Variants in PRKD1 observed in about 807,000 individuals in gnomAD.
The protein encoded by PRKD1 is protein kinase D1, also known as serine/threonine-protein kinase D1.
A neutral mutation model predicts 95.9 loss-of-function variants in PRKD1; 63 were observed. The ratio of observed to expected loss-of-function variants is 0.66; its 90% CI spans 0.54 to 0.81. The LOEUF is 0.81. PRKD1 is among the 30% of genes least tolerant of loss of function. PRKD1 has a pLI of 0.00. For missense variants in PRKD1, 1,048 were observed against 1,165.3 expected (o/e 0.90, Z 1.47); for synonymous variants, 425 against 423.1 (o/e 1.00, Z -0.05).
intron 4 of PRKD1, among the ~76,000 whole-genome samples, chr14:29,656,935 A>G (rs965670830): frequency 1.3e-5 from 2 of 152,250 alleles, no homozygotes; most frequent in African/African-American, 4.8e-5. Flanking sequence ...AAAGGTCATC[A>G]AAGTAATCAA....
chr14:29,695,754 T>C (rs1374806521), intron 2 of PRKD1, among the ~76,000 whole-genome samples: 1 of 152,176 alleles, frequency 6.6e-6, no homozygotes, highest in Non-Finnish European at 1.5e-5. Flanking sequence ...GAAAGAGTTT[T>C]GAGTTCATCT....
chr14:29,869,386 G>A (rs1402568383), intron 1 of PRKD1, among the ~76,000 whole-genome samples: 4 of 151,492 alleles, frequency 2.6e-5, no homozygotes, highest in African/African-American at 9.7e-5. Context: ...GTTGCAGCAA[G>A]CAGAGATCGC....
intron 12 of PRKD1, among the ~76,000 whole-genome samples, chr14:29,625,626 C>T (rs142382774): frequency 5.3e-5 from 8 of 152,200 alleles, no homozygotes; most frequent in East Asian, 3.9e-4. Context: ...CATTAACAAA[C>T]GGTACAATGG....
At chr14:29,910,951 T>A (rs573604694) in intron 1 of PRKD1, among the ~76,000 whole-genome samples, 39 of 152,310 alleles carry the variant, frequency 2.6e-4, no homozygotes, top group South Asian at 6.2e-4. Flanking sequence ...ATCACACAAT[T>A]ATTTCACAGG....
intron 2 of PRKD1, among the ~76,000 whole-genome samples, chr14:29,701,930 A>G (rs1286356606): frequency 6.6e-6 from 1 of 152,186 alleles, no homozygotes; most frequent in Admixed American, 6.5e-5. Context: ...CAAAATTGGG[A>G]TACCGAAGAT....
intron 1 of PRKD1, among the ~76,000 whole-genome samples, chr14:29,807,193 G>T (rs1223120500): frequency 6.6e-6 from 1 of 152,162 alleles, no homozygotes; most frequent in Non-Finnish European, 1.5e-5. Flanking sequence ...AGGCAAGAAA[G>T]CAGAGCTCAG....
chr14:29,918,272 G>A (rs1360812993), intron 1 of PRKD1, among the ~76,000 whole-genome samples: 1 of 152,070 alleles, frequency 6.6e-6, no homozygotes, highest in Non-Finnish European at 1.5e-5. Context: ...GAGGGAGAAA[G>A]AATCTTGTAG....
At chr14:29,798,557 T>C (rs1889906107) in intron 1 of PRKD1, among the ~76,000 whole-genome samples, 1 of 152,220 alleles carries the variant, frequency 6.6e-6, no homozygotes, top group Non-Finnish European at 1.5e-5. Flanking sequence ...AGTGTCACTG[T>C]ATGAATATGA....
chr14:29,591,869 A>C (rs1364776648), intron 16 of PRKD1, among the ~76,000 whole-genome samples: 1 of 152,076 alleles, frequency 6.6e-6, no homozygotes, highest in Non-Finnish European at 1.5e-5. Context: ...TGGAAACATG[A>C]GGGATATCTT....
chr14:29,811,421 A>G lies in PRKD1; in HGVS notation c.265-85747T>C, dbSNP rs1890478896. ...CATCTCCCTTCCCACACACAACTCT[A>G]CTGCTCGAGCCCACAGGCAGAAGGA... On this transcript the variant is annotated intron_variant, in intron 1 of 17. Coordinates refer to ENST00000331968, the MANE Select transcript of PRKD1 (RefSeq NM_002742.3). Among the ~76,000 whole-genome samples the G allele has an allele frequency of 3.9e-5, 6 of 152,098 alleles. No homozygotes were observed. In the South Asian group the frequency reaches 1.2e-3, roughly 32 times the overall value.
intron 1 of PRKD1, among the ~76,000 whole-genome samples, chr14:29,786,626 C>T (rs1188158387): frequency 2.6e-5 from 4 of 152,110 alleles, no homozygotes; most frequent in East Asian, 3.9e-4. Flanking sequence ...TTTATTAGCA[C>T]GTAGTGGTTC....
intron 1 of PRKD1, among the ~76,000 whole-genome samples, chr14:29,802,027 T>C (rs1377501330): frequency 2.6e-5 from 4 of 151,980 alleles, no homozygotes; most frequent in Non-Finnish European, 4.4e-5. Context: ...CAGACATTAA[T>C]ACATTCCTGG....
intron 1 of PRKD1, among the ~76,000 whole-genome samples, chr14:29,800,504 G>A (rs1447605362): frequency 1.3e-5 from 2 of 152,106 alleles, no homozygotes; most frequent in Non-Finnish European, 2.9e-5. Context: ...GCCTAATAAT[G>A]AAATTTTCGA....
At chr14:29,667,177 G>C (rs1324831181) in intron 2 of PRKD1, among the ~76,000 whole-genome samples, 1 of 152,058 alleles carries the variant, frequency 6.6e-6, no homozygotes, top group African/African-American at 2.4e-5. Context: ...TACAGCACCT[G>C]GCAGGCAGAA....
At chr14:29,880,553 C>T (rs1893469800) in intron 1 of PRKD1, among the ~76,000 whole-genome samples, 1 of 152,204 alleles carries the variant, frequency 6.6e-6, no homozygotes, top group Admixed American at 6.5e-5. Flanking sequence ...GAAGCCCCCA[C>T]ACAGAGTCCC....
chr14:29,599,151 C>A, intron 14 of PRKD1, 26 bp from the exon 15 acceptor site: 4 of 1,580,630 alleles, frequency 2.5e-6, no homozygotes, highest in Non-Finnish European at 2.6e-6. Context: ...ACCAAAATTT[C>A]ATTCCAGTTT....
At chr14:29,807,953 C>T (rs1057371556) in intron 1 of PRKD1, among the ~76,000 whole-genome samples, 1 of 152,062 alleles carries the variant, frequency 6.6e-6, no homozygotes, top group Non-Finnish European at 1.5e-5. Flanking sequence ...AACTCCTAGC[C>T]TCAAGTGATT....
intron 1 of PRKD1, among the ~76,000 whole-genome samples, chr14:29,749,594 G>A (rs1423290435): frequency 6.6e-6 from 1 of 152,142 alleles, no homozygotes; most frequent in African/African-American, 2.4e-5. Flanking sequence ...TTTACTTAAT[G>A]GGTCGTTACT....
intron 1 of PRKD1, among the ~76,000 whole-genome samples, chr14:29,899,611 C>T (rs531811920): frequency 1.3e-5 from 2 of 152,280 alleles, no homozygotes; most frequent in South Asian, 4.1e-4. Flanking sequence ...CACGCCACTG[C>T]ACTCCATACT....
Sources: gnomAD v4.1 joint callset for allele counts (sites outside exome capture counted in the v4.1 genomes callset) on GRCh38, gnomAD v4.1.1 for gene constraint, MANE v1.5 for transcripts, NCBI Gene and HGNC (gene_info 2026-07-23, HGNC 2026-07-21) for gene names.